CATSPERB: variants seen among roughly 807,000 people sequenced by gnomAD.
CATSPERB encodes the protein catsper channel auxiliary subunit beta, also known as cation channel sperm-associated auxiliary subunit beta.
A neutral mutation model predicts 128.3 loss-of-function variants in CATSPERB; 93 were observed. That is an observed-to-expected ratio of 0.72 (90% CI 0.61 to 0.86). The LOEUF is 0.86. Ranked by LOEUF, CATSPERB falls within the 40% of genes least tolerant of loss-of-function variation. CATSPERB has a pLI of 0.00. For synonymous variants in CATSPERB, 381 were observed against 448.8 expected, an observed-to-expected ratio of 0.85 and a Z score of 1.91; for missense variants, 1,153 against 1,329.5, an observed-to-expected ratio of 0.87 and a Z score of 2.06.
chr14:91,674,426 A>G (rs1196330614), intron 11 of CATSPERB, among the ~76,000 whole-genome samples: 1 of 152,146 alleles, frequency 6.6e-6, no homozygotes, highest in Admixed American at 6.5e-5. Context: ...CCCTATTTCA[A>G]GTGTACCTAT....
intron 14 of CATSPERB, among the ~76,000 whole-genome samples, chr14:91,662,967 A>G (rs1894911120): frequency 6.6e-6 from 1 of 152,194 alleles, no homozygotes; most frequent in Non-Finnish European, 1.5e-5. Flanking sequence ...TATTGTAAAT[A>G]TCATCTCCCA....
intron 19 of CATSPERB, among the ~76,000 whole-genome samples, chr14:91,619,553 T>TTA (rs1894004058): frequency 1.3e-5 from 2 of 149,256 alleles, no homozygotes; most frequent in African/African-American, 4.9e-5. Flanking sequence ...GCCTTTTTTT[T>TTA]AAAAAAAAAA....
At chr14:91,597,092 A>G (rs1387921025) in intron 22 of CATSPERB, among the ~76,000 whole-genome samples, 4 of 150,898 alleles carry the variant, frequency 2.7e-5, no homozygotes, top group African/African-American at 9.8e-5. Context: ...ACAGTGTTTC[A>G]CCGTGTCAGC....
intron 14 of CATSPERB, among the ~76,000 whole-genome samples, chr14:91,661,729 G>T (rs1894889983): frequency 6.6e-6 from 1 of 151,708 alleles, no homozygotes; most frequent in African/African-American, 2.4e-5. Flanking sequence ...TTGCCATGTT[G>T]CCCAGGCTGG....
intron 10 of CATSPERB, among the ~76,000 whole-genome samples, chr14:91,690,095 C>T (rs726796): frequency 0.13 from 19,959 of 152,198 alleles, 1,581 homozygotes; most frequent in African/African-American, 0.22. Flanking sequence ...TGGGTTCAAG[C>T]AATTCTCATG....
chr14:91,616,101 G>A (rs989651865), intron 20 of CATSPERB, among the ~76,000 whole-genome samples: 2 of 152,050 alleles, frequency 1.3e-5, no homozygotes, highest in Non-Finnish European at 2.9e-5. Flanking sequence ...GGATGGTCTT[G>A]ATCTCCCAAC....
intron 26 of CATSPERB, 76 bp from the exon 27 acceptor site, chr14:91,581,183 CAATT>C (rs1211295983): frequency 1.7e-6 from 2 of 1,208,876 alleles, no homozygotes; most frequent in Non-Finnish European, 2.4e-6. Context: ...ATGTTCCCCA[CAATT>C]AATCGGAGAG....
At chr14:91,599,424 T>G (rs1893569435) in intron 22 of CATSPERB, among the ~76,000 whole-genome samples, 1 of 149,992 alleles carries the variant, frequency 6.7e-6, no homozygotes, top group Non-Finnish European at 1.5e-5. Flanking sequence ...CTGGGTGTGG[T>G]GGCGGGCGCC....
intron 15 of CATSPERB, among the ~76,000 whole-genome samples, chr14:91,652,520 A>G (rs1894720500): frequency 7.0e-6 from 1 of 142,724 alleles, no homozygotes; most frequent in Non-Finnish European, 1.5e-5. Flanking sequence ...AAAAAAAAAA[A>G]ATTAGCTGGG....
At chr14:91,665,186 C>T (rs1051510323) in intron 14 of CATSPERB, among the ~76,000 whole-genome samples, 1 of 152,144 alleles carries the variant, frequency 6.6e-6, no homozygotes, top group Non-Finnish European at 1.5e-5. Context: ...AGCCACTGCA[C>T]CCAGCCTGAA....
intron 7 of CATSPERB, among the ~76,000 whole-genome samples, chr14:91,700,002 T>G (rs996425449): frequency 6.6e-6 from 1 of 152,166 alleles, no homozygotes; most frequent in Non-Finnish European, 1.5e-5. Context: ...TTTGCATAGG[T>G]GTACATGTGC....
intron 23 of CATSPERB, among the ~76,000 whole-genome samples, chr14:91,590,888 T>C (rs1893386695): frequency 6.6e-6 from 1 of 151,980 alleles, no homozygotes. Flanking sequence ...CCTGACCTCA[T>C]GATCCGCCCG....
chr14:91,590,524 T>C (rs566708912), intron 23 of CATSPERB, among the ~76,000 whole-genome samples: 60 of 152,154 alleles, frequency 3.9e-4, no homozygotes, highest in Admixed American at 3.5e-3. Context: ...GAGCGAGACT[T>C]GGTCTCAAAA....
At chr14:91,689,082 C>T (rs1895422483) in intron 10 of CATSPERB, among the ~76,000 whole-genome samples, 1 of 152,224 alleles carries the variant, frequency 6.6e-6, no homozygotes, top group Non-Finnish European at 1.5e-5. Context: ...ATGCCACCAC[C>T]TTGGAAACAG....
chr14:91,711,213 C>G (rs1013914795), intron 5 of CATSPERB, among the ~76,000 whole-genome samples: 3 of 152,064 alleles, frequency 2.0e-5, no homozygotes, highest in Admixed American at 6.6e-5. Context: ...TTAGAGCTTA[C>G]TCACTGATGC....
In CATSPERB at chr14:91,636,455, T is replaced by C; in HGVS notation, c.1712A>G (p.Asn571Ser). The change falls in exon 17 of 27, where the codon AAT (asparagine) becomes AGT (serine). Residue 571 changes from asparagine to serine, a missense_variant. Physicochemically the swap from Asn to Ser is conservative, Grantham distance 46 (BLOSUM62 1). Transcript: ENST00000256343. ...GTGTATCACTTTTCCATAGTGTATA[T>C]TGCCGAACTTCTTGCTGTAGATCGT... ...QETIYSKKFGNIHYGKVIHSG... is the reference protein window; with the variant it reads ...QETIYSKKFGSIHYGKVIHSG... The C allele has an allele frequency of 2.5e-6, 4 of 1,614,154 alleles. No individual in the cohort carries two copies. Among genetic ancestry groups the C allele is most frequent in the South Asian group, 2.2e-5 (2 of 91,068 alleles).
intron 26 of CATSPERB, among the ~76,000 whole-genome samples, chr14:91,581,318 A>G (rs1893204225): frequency 6.6e-6 from 1 of 152,264 alleles, no homozygotes; most frequent in South Asian, 2.1e-4. Context: ...TCCATGTATT[A>G]TCCTATGCCT....
At chr14:91,606,549 C>T (rs1013944131) in intron 22 of CATSPERB, among the ~76,000 whole-genome samples, 1 of 152,160 alleles carries the variant, frequency 6.6e-6, no homozygotes, top group Non-Finnish European at 1.5e-5. Context: ...CGTGACAGAG[C>T]GATACTCCGT....
chr14:91,703,662 A>C (rs1350434628), intron 7 of CATSPERB, among the ~76,000 whole-genome samples: 1 of 152,184 alleles, frequency 6.6e-6, no homozygotes, highest in Non-Finnish European at 1.5e-5. Context: ...TGGAATGCTA[A>C]AACACATCTA....
Sources: gnomAD v4.1 joint callset for allele counts (sites outside exome capture counted in the v4.1 genomes callset) on GRCh38, gnomAD v4.1.1 for gene constraint, MANE v1.5 for transcripts, NCBI Gene and HGNC (gene_info 2026-07-23, HGNC 2026-07-21) for gene names.